Variants in MYO1E observed in about 807,000 individuals in gnomAD.
The protein encoded by MYO1E is myosin IE, also known as unconventional myosin-Ie.
In MYO1E, 68 loss-of-function variants were observed where a neutral mutation model predicts 151.1. The ratio of observed to expected loss-of-function variants is 0.45; its 90% CI spans 0.37 to 0.55. MYO1E has a LOEUF of 0.55. MYO1E is among the 20% of genes least tolerant of loss of function. MYO1E has a pLI of 0.00. For synonymous variants in MYO1E, 601 were observed against 501.7 expected (o/e 1.20, Z -2.64); for missense variants, 1,363 against 1,389.3 (o/e 0.98, Z 0.30).
At chr15:59,215,789 T>G (rs1360866166) in intron 10 of MYO1E, among the ~76,000 whole-genome samples, 1 of 151,976 alleles carries the variant, frequency 6.6e-6, no homozygotes, top group Non-Finnish European at 1.5e-5. Flanking sequence ...AACTGACAGG[T>G]GACAGGTAGA....
chr15:59,147,995 G>C (rs554430236), intron 26 of MYO1E, among the ~76,000 whole-genome samples: 1 of 152,282 alleles, frequency 6.6e-6, no homozygotes, highest in South Asian at 2.1e-4. Flanking sequence ...AACCCTGGTA[G>C]AGCATTAAAA....
chr15:59,266,130 T>A (rs1463680536), intron 2 of MYO1E, among the ~76,000 whole-genome samples: 3 of 152,228 alleles, frequency 2.0e-5, no homozygotes, highest in Admixed American at 6.5e-5. Context: ...CACCTTGCTA[T>A]GTCTGCAGAG....
intron 1 of MYO1E, among the ~76,000 whole-genome samples, chr15:59,351,439 C>A (rs1166215030): frequency 6.6e-6 from 1 of 152,184 alleles, no homozygotes; most frequent in Non-Finnish European, 1.5e-5. Context: ...TTGAGAAGGA[C>A]TACTGGAAAA....
intron 18 of MYO1E, among the ~76,000 whole-genome samples, chr15:59,183,428 G>A (rs533779727): frequency 5.3e-5 from 8 of 151,564 alleles, no homozygotes; most frequent in African/African-American, 1.9e-4. Flanking sequence ...TTGACCTCCT[G>A]GGCTCGAGTA....
rs1342699003 is a variant in MYO1E at position 59,136,197 on chromosome 15, A to C, written c.*1183T>G. The C allele has an allele frequency of 6.5e-6, 1 of 153,974 alleles. No homozygotes were observed. The highest frequency in any genetic ancestry group is 6.4e-5 in the Admixed American group (1 of 15,650). The allele number at this position is 153,974 out of a possible 1,614,324, so 9.5% of individuals were successfully genotyped here. A position where few individuals can be genotyped will look rare whatever the true frequency, so the allele number is the denominator to read the frequency against. On this transcript the variant is annotated 3_prime_UTR_variant, in exon 28 of 28. Coordinates refer to ENST00000288235, the MANE Select transcript of MYO1E (RefSeq NM_004998.4). ...TTTCATCAGGACACCATTATATTGGATTAAGACCCACTCTAATGACTTCAT... is the reference window on the plus strand; with the variant it reads ...TTTCATCAGGACACCATTATATTGGCTTAAGACCCACTCTAATGACTTCAT...
intron 1 of MYO1E, among the ~76,000 whole-genome samples, chr15:59,362,284 T>G (rs191551007): frequency 2.0e-5 from 3 of 152,258 alleles, no homozygotes; most frequent in Non-Finnish European, 4.4e-5. Flanking sequence ...ACTTGCTTCT[T>G]TACCAAACAC....
At chr15:59,213,129 C>CTATT (rs200340382) in intron 12 of MYO1E, among the ~76,000 whole-genome samples, 3,717 of 131,924 alleles carry the variant, frequency 0.028, 73 homozygotes, top group Middle Eastern at 0.047. Flanking sequence ...CTGCACTGAA[C>CTATT]TATTTATTTA....
At chr15:59,309,909 T>A (rs1223313287) in intron 1 of MYO1E, among the ~76,000 whole-genome samples, 1 of 152,140 alleles carries the variant, frequency 6.6e-6, no homozygotes, top group African/African-American at 2.4e-5. Flanking sequence ...AGGCTAAGAA[T>A]CACCCTTGAT....
chr15:59,138,997 C>T (rs531301084), intron 26 of MYO1E, among the ~76,000 whole-genome samples: 274 of 152,282 alleles, frequency 1.8e-3, no homozygotes, highest in Non-Finnish European at 3.3e-3. Flanking sequence ...TACTACACCA[C>T]TGCGCGAGTG....
At chr15:59,328,089 G>C (rs779847424) in intron 1 of MYO1E, among the ~76,000 whole-genome samples, 1 of 152,236 alleles carries the variant, frequency 6.6e-6, no homozygotes, top group Non-Finnish European at 1.5e-5. Flanking sequence ...TGGTGGGGGG[G>C]TTCCCCCTCT....
At chr15:59,172,117 G>A in intron 21 of MYO1E, 75 bp from the exon 22 acceptor site, 1 of 1,548,398 alleles carries the variant, frequency 6.5e-7, no homozygotes. Context: ...AGTACTTTCG[G>A]AGGCCGAGGC....
intron 26 of MYO1E, among the ~76,000 whole-genome samples, chr15:59,144,245 C>A (rs2079427880): frequency 6.6e-6 from 1 of 152,100 alleles, no homozygotes. Flanking sequence ...CGGCTCACTG[C>A]AACCTCCACC....
At chr15:59,210,893 T>A (rs1473045314) in intron 12 of MYO1E, among the ~76,000 whole-genome samples, 1 of 150,754 alleles carries the variant, frequency 6.6e-6, no homozygotes, top group African/African-American at 2.5e-5. Context: ...TACAAAAAAA[T>A]CACAAAACTC....
Position 59,327,954 on chromosome 15 carries a change from C to T in MYO1E, c.3+44544G>A, listed in dbSNP as rs543956693. 2.0e-5 allele frequency among the ~76,000 whole-genome samples: 3 copies of T among 152,306 alleles called. No homozygotes were observed. In the East Asian group the frequency reaches 5.8e-4, roughly 29 times the overall value. On this transcript the variant is annotated intron_variant, in intron 1 of 27. Coordinates refer to ENST00000288235, the MANE Select transcript of MYO1E (RefSeq NM_004998.4). Reference sequence around the variant, plus strand: ...CAAAGGAACGTTTGCCACATTGACACCCTCTCCATCCCCAGCACTTCGGAA... The same window carrying T: ...CAAAGGAACGTTTGCCACATTGACATCCTCTCCATCCCCAGCACTTCGGAA...
Position 59,372,547 on chromosome 15 carries a change from G to A in MYO1E, c.-47C>T, listed in dbSNP as rs1471346846. 1.3e-6 allele frequency: 2 copies of A among 1,535,114 alleles called. No homozygotes were observed. Among genetic ancestry groups the A allele is most frequent in the Non-Finnish European group, 1.8e-6 (2 of 1,140,792 alleles). On this transcript the variant is annotated 5_prime_UTR_variant, in exon 1 of 28. Coordinates refer to ENST00000288235, the MANE Select transcript of MYO1E (RefSeq NM_004998.4). ...GTCTTCGCCGGGTCCCGCTGCCGGG[G>A]AACTGGGGCTGGAACGCAGTCTTCT...
chr15:59,226,353 A>G (rs1412911639), intron 7 of MYO1E, among the ~76,000 whole-genome samples: 1 of 152,216 alleles, frequency 6.6e-6, no homozygotes, highest in Non-Finnish European at 1.5e-5. Context: ...ACTAAACACG[A>G]AATGAAACAA....
chr15:59,251,231 C>T (rs78976554), intron 4 of MYO1E, among the ~76,000 whole-genome samples: 1,573 of 152,258 alleles, frequency 0.01, 33 homozygotes, highest in African/African-American at 0.036. Flanking sequence ...TTAACTTGCA[C>T]CTGCATCTGA....
chr15:59,322,402 T>C (rs931414102), intron 1 of MYO1E, among the ~76,000 whole-genome samples: 14 of 152,180 alleles, frequency 9.2e-5, no homozygotes, highest in African/African-American at 3.1e-4. Context: ...CAAATTGCTC[T>C]GAAAATTTTG....
chr15:59,265,629 G>T (rs2080248556), intron 2 of MYO1E, among the ~76,000 whole-genome samples: 1 of 152,036 alleles, frequency 6.6e-6, no homozygotes, highest in Non-Finnish European at 1.5e-5. Flanking sequence ...GGTTCTTGGG[G>T]ATAATACTAT....
Sources: gnomAD v4.1 joint callset for allele counts (sites outside exome capture counted in the v4.1 genomes callset) on GRCh38, gnomAD v4.1.1 for gene constraint, MANE v1.5 for transcripts, NCBI Gene and HGNC (gene_info 2026-07-23, HGNC 2026-07-21) for gene names.